The following CNBD1 variants were observed in gnomAD, a reference collection of about 807,000 sequenced individuals.
CNBD1 encodes cyclic nucleotide binding domain containing 1.
In CNBD1, 71 loss-of-function variants were observed where a neutral mutation model predicts 54.4. The ratio of observed to expected loss-of-function variants is 1.30; its 90% CI spans 1.08 to 1.59. The LOEUF (loss-of-function observed/expected upper bound fraction) is 1.59, where lower values mean the gene tolerates loss of function less well. Ranked by LOEUF, CNBD1 falls within the 40% of genes most tolerant of loss-of-function variation. CNBD1 has a pLI of 0.00. For synonymous variants in CNBD1, 182 were observed against 170.7 expected, an observed-to-expected ratio of 1.07 and a Z score of -0.51; for missense variants, 659 against 518.0, an observed-to-expected ratio of 1.27 and a Z score of -2.64.
intron 4 of CNBD1, among the ~76,000 whole-genome samples, chr8:87,054,393 A>G (rs1421561785): frequency 6.6e-6 from 1 of 152,170 alleles, no homozygotes; most frequent in African/African-American, 2.4e-5. Flanking sequence ...CTTAATTAAT[A>G]TTCCCCCCAT....
At chr8:87,130,744 T>C (rs1367472651) in intron 4 of CNBD1, among the ~76,000 whole-genome samples, 1 of 150,058 alleles carries the variant, frequency 6.7e-6, no homozygotes, top group African/African-American at 2.5e-5. Context: ...CTTACTGCAC[T>C]GTAGCTCAGG....
At chr8:87,250,675 A>G (rs1279625046) in intron 6 of CNBD1, among the ~76,000 whole-genome samples, 1 of 152,216 alleles carries the variant, frequency 6.6e-6, no homozygotes, top group African/African-American at 2.4e-5. Flanking sequence ...TTACAACAAC[A>G]TAGATTGAAC....
chr8:87,124,277 T>C (rs1430597153), intron 4 of CNBD1, among the ~76,000 whole-genome samples: 1 of 151,716 alleles, frequency 6.6e-6, no homozygotes, highest in African/African-American at 2.4e-5. Flanking sequence ...AGACTCATTT[T>C]CAAGTGCACA....
At chr8:87,281,132 C>T (rs1349184601) in intron 6 of CNBD1, among the ~76,000 whole-genome samples, 1 of 151,566 alleles carries the variant, frequency 6.6e-6, no homozygotes, top group Non-Finnish European at 1.5e-5. Context: ...TAATCATCTG[C>T]TGTATATCAT....
intron 8 of CNBD1, among the ~76,000 whole-genome samples, chr8:87,327,926 A>T (rs1809719915): frequency 6.6e-6 from 1 of 152,088 alleles, no homozygotes; most frequent in African/African-American, 2.4e-5. Context: ...TGTGTAAGGT[A>T]AGAGTCTGTG....
At chr8:87,265,909 G>A (rs1048698797) in intron 6 of CNBD1, among the ~76,000 whole-genome samples, 4 of 151,898 alleles carry the variant, frequency 2.6e-5, no homozygotes, top group Non-Finnish European at 2.9e-5. Context: ...TGTTGATTTG[G>A]CAATAAAACA....
At chr8:86,895,478 G>C (rs1463636270) in intron 2 of CNBD1, among the ~76,000 whole-genome samples, 1 of 152,150 alleles carries the variant, frequency 6.6e-6, no homozygotes, top group African/African-American at 2.4e-5. Context: ...CAAGGAGCAT[G>C]CTTGCTGAAT....
At chr8:87,180,224 A>G (rs1271743516) in intron 4 of CNBD1, among the ~76,000 whole-genome samples, 1 of 152,182 alleles carries the variant, frequency 6.6e-6, no homozygotes, top group African/African-American at 2.4e-5. Context: ...GTGGAGAAAA[A>G]CTGAAACTAT....
chr8:87,171,670 G>C (rs1406112386), intron 4 of CNBD1, among the ~76,000 whole-genome samples: 2 of 150,366 alleles, frequency 1.3e-5, no homozygotes, highest in African/African-American at 4.9e-5. Context: ...GCAGAGTCTA[G>C]CTCTGTCTCC....
At chr8:87,395,957 C>T (rs1811402673) in intron 2 of CNBD1, among the ~76,000 whole-genome samples, 1 of 151,964 alleles carries the variant, frequency 6.6e-6, no homozygotes, top group African/African-American at 2.4e-5. Flanking sequence ...GACATGTTTA[C>T]TTCCCCTTCT....
intron 10 of CNBD1, among the ~76,000 whole-genome samples, chr8:87,370,095 T>C (rs1810743123): frequency 1.3e-5 from 2 of 151,978 alleles, no homozygotes; most frequent in South Asian, 4.2e-4. Flanking sequence ...CCATGGTGTA[T>C]ATGTGCCACA....
intron 10 of CNBD1, among the ~76,000 whole-genome samples, chr8:87,379,096 G>A (rs1307913112): frequency 6.6e-6 from 1 of 151,342 alleles, no homozygotes; most frequent in African/African-American, 2.4e-5. Flanking sequence ...CATGTCATCT[G>A]CAAACAGGGA....
chr8:86,975,694 G>T (rs1018938277), intron 4 of CNBD1, among the ~76,000 whole-genome samples: 75 of 152,014 alleles, frequency 4.9e-4, no homozygotes, highest in African/African-American at 1.6e-3. Flanking sequence ...GAATGTGGGA[G>T]TGCAGTTATC....
Position 87,264,239 on chromosome 8 carries a change from C to T in CNBD1, c.772-20439C>T, listed in dbSNP as rs1198940895. Among the ~76,000 whole-genome samples, 8 of 151,646 alleles carry T rather than the reference C, an allele frequency of 5.3e-5. No individual in the cohort carries two copies. The East Asian group carries it at 9.8e-4, about 19-fold the overall frequency. On this transcript the variant is annotated intron_variant, in intron 6 of 10. Transcript: ENST00000518476. ...TTCAATTCCCACCTATGAGTGAGAACATGTGGTGTTTGGTTTTTTTGTCCT... is the reference window on the plus strand; with the variant it reads ...TTCAATTCCCACCTATGAGTGAGAATATGTGGTGTTTGGTTTTTTTGTCCT...
At chr8:87,388,409 TA>T (rs1811237071) in intron 2 of CNBD1, among the ~76,000 whole-genome samples, 1 of 151,790 alleles carries the variant, frequency 6.6e-6, no homozygotes, top group African/African-American at 2.4e-5. Context: ...TAAAAAATGA[TA>T]AAGGGGATAT....
chr8:86,917,424 A>G (rs998725231), intron 3 of CNBD1, among the ~76,000 whole-genome samples: 15 of 152,212 alleles, frequency 9.9e-5, no homozygotes, highest in African/African-American at 2.7e-4. Flanking sequence ...AGAATAGTAC[A>G]GAACTGGTGG....
At chr8:87,396,780 T>C (rs938475634) in intron 2 of CNBD1, among the ~76,000 whole-genome samples, 2 of 151,700 alleles carry the variant, frequency 1.3e-5, no homozygotes, top group African/African-American at 4.8e-5. Context: ...CTATTGTCTC[T>C]TTTGTAATAT....
downstream of CNBD1, among the ~76,000 whole-genome samples, chr8:87,386,763 A>G (rs1323608611): frequency 6.6e-6 from 1 of 152,184 alleles, no homozygotes; most frequent in African/African-American, 2.4e-5. Context: ...AGAACGCCAC[A>G]AAGATACTCC....
chr8:87,106,955 A>T (rs1218459834), intron 4 of CNBD1, among the ~76,000 whole-genome samples: 2 of 151,836 alleles, frequency 1.3e-5, no homozygotes, highest in African/African-American at 4.8e-5. Context: ...CAACCTCCCG[A>T]GTAGCTGGGA....
Sources: allele counts gnomAD v4.1 joint callset (sites outside exome capture counted in the v4.1 genomes callset), GRCh38; gene constraint gnomAD v4.1.1; transcripts MANE v1.5; gene names NCBI Gene and HGNC (gene_info 2026-07-23, HGNC 2026-07-21).